The following BANP variants were observed in gnomAD, a reference collection of about 807,000 sequenced individuals.
BANP encodes the protein protein BANP.
BANP carries 11 observed loss-of-function variants against 68.1 expected under a neutral mutation model. The observed-to-expected ratio is 0.16, with a 90% confidence interval of 0.10 to 0.27. The LOEUF (loss-of-function observed/expected upper bound fraction) is 0.27. Ranked by LOEUF, BANP falls within the 10% of genes least tolerant of loss-of-function variation. BANP has a pLI of 1.00. For synonymous variants in BANP, 329 were observed against 303.2 expected, an observed-to-expected ratio of 1.09 and a Z score of -0.88; for missense variants, 504 against 722.7, an observed-to-expected ratio of 0.70 and a Z score of 3.47.
At chr16:88,055,666 T>C (rs2152845877) in intron 11 of BANP, among the ~76,000 whole-genome samples, 1 of 152,278 alleles carries the variant, frequency 6.6e-6, no homozygotes, top group East Asian at 1.9e-4. Flanking sequence ...AGGGTGTCTT[T>C]ATCTATAGCT....
chr16:87,953,639 A>T (rs2057441777), intron 1 of BANP, among the ~76,000 whole-genome samples: 1 of 152,218 alleles, frequency 6.6e-6, no homozygotes, highest in African/African-American at 2.4e-5. Flanking sequence ...CTTCACGGAC[A>T]AATTGAGTGT....
chr16:87,959,195 T>C (rs1428980028), intron 1 of BANP, among the ~76,000 whole-genome samples: 1 of 152,366 alleles, frequency 6.6e-6, no homozygotes, highest in East Asian at 1.9e-4. Flanking sequence ...GCCGCTCGAC[T>C]CTGCTGTTGG....
chr16:88,022,850 C>G (rs752875687), intron 7 of BANP, among the ~76,000 whole-genome samples: 25 of 152,200 alleles, frequency 1.6e-4, no homozygotes, highest in Non-Finnish European at 2.9e-4. Flanking sequence ...CTTATGAGGA[C>G]AGTCACTGGA....
chr16:88,035,737 A>T (rs1215171849), intron 10 of BANP, among the ~76,000 whole-genome samples: 7 of 152,150 alleles, frequency 4.6e-5, no homozygotes, highest in Non-Finnish European at 8.8e-5. Context: ...TGTGGCCGAG[A>T]TGGGGTCTGC....
At position 87,980,477 on chromosome 16, in the gene BANP, C is replaced by T. The variant is rs185380019; in HGVS notation, c.71-559C>T. 3.2e-3 allele frequency: 495 copies of T among 153,522 alleles called. 1 individual carries two copies. The highest frequency in any genetic ancestry group is 4.5e-3 in the Non-Finnish European group (307 of 68,942). The allele number at this position is 153,522 out of a possible 1,614,324, so 9.5% of individuals were successfully genotyped here. A position where few individuals can be genotyped will look rare whatever the true frequency, so the allele number is the denominator to read the frequency against. ...GCGGGAAGCCGTGACGATCACCTGA[C>T]GCTTGCTGTGTGATGGGGGCAGCTG... On this transcript the variant is annotated intron_variant, in intron 2 of 13. Transcript: ENST00000682872.
intron 11 of BANP, among the ~76,000 whole-genome samples, chr16:88,060,187 A>G (rs918415990): frequency 4.6e-5 from 7 of 152,388 alleles, no homozygotes; most frequent in African/African-American, 1.7e-4. Flanking sequence ...CACGAGTGGC[A>G]AGGCCGTATG....
chr16:87,949,482 A>G, upstream of BANP: 1 of 152,164 alleles, frequency 6.6e-6, no homozygotes, highest in Non-Finnish European at 1.5e-5. Flanking sequence ...CCTCCATGTG[A>G]GTGGACTCCA....
intron 9 of BANP, among the ~76,000 whole-genome samples, chr16:88,034,270 A>G (rs1330695380): frequency 6.6e-6 from 1 of 152,232 alleles, no homozygotes; most frequent in Non-Finnish European, 1.5e-5. Flanking sequence ...AGTTCCTCTC[A>G]TCTTGTTAGT....
At chr16:87,960,242 G>A (rs547368041) in intron 1 of BANP, among the ~76,000 whole-genome samples, 189 of 152,346 alleles carry the variant, frequency 1.2e-3, no homozygotes, top group Non-Finnish European at 1.5e-3. Context: ...GCAGTCAGGA[G>A]CTTGCTTGTG....
intron 1 of BANP, among the ~76,000 whole-genome samples, chr16:87,972,126 T>C (rs2061241207): frequency 6.6e-6 from 1 of 152,196 alleles, no homozygotes; most frequent in Non-Finnish European, 1.5e-5. Flanking sequence ...ATTATACATA[T>C]GTTGGGTCTT....
intron 6 of BANP, among the ~76,000 whole-genome samples, chr16:88,007,311 T>C: frequency 6.6e-6 from 1 of 152,184 alleles, no homozygotes; most frequent in East Asian, 1.9e-4. Context: ...AGGACGCAGC[T>C]TCCACGGGTT....
At position 88,064,459 on chromosome 16, in the gene BANP, T is replaced by G. The variant is rs2087856962; in HGVS notation, c.1312-808T>G. Among the ~76,000 whole-genome samples, 1 of 152,060 alleles carries G rather than the reference T, an allele frequency of 6.6e-6. No individual in the cohort carries two copies. Among genetic ancestry groups the G allele is most frequent in the South Asian group, 2.1e-4 (1 of 4,814 alleles). On this transcript the variant is annotated intron_variant, in intron 11 of 13. Transcript: ENST00000682872. This position sits in a 1 kb window ranked among gnomAD's most constrained non-coding sequence, Gnocchi z 4.5. Reference sequence around the variant, plus strand: ...ATTCACTTAGGGTCCAAGAAATGAGTGGGCCTTGAATGAGCAAAACAACCC... The same window carrying G: ...ATTCACTTAGGGTCCAAGAAATGAGGGGGCCTTGAATGAGCAAAACAACCC...
chr16:87,973,462 A>G (rs1005927407), intron 1 of BANP, among the ~76,000 whole-genome samples: 1 of 152,240 alleles, frequency 6.6e-6, no homozygotes, highest in African/African-American at 2.4e-5. Flanking sequence ...GTTATCCCCA[A>G]GAAATTCTAG....
At position 88,003,587 on chromosome 16, in the gene BANP, G is replaced by A. The variant is rs1366872594; in HGVS notation, c.363-708G>A. The A allele has an allele frequency of 2.2e-6, 1 of 454,684 alleles. No individual in the cohort carries two copies. The highest frequency in any genetic ancestry group is 2.0e-5 in the African/African-American group (1 of 50,026). 28.2% of individuals were successfully genotyped at this position (454,684 alleles called of 1,614,324 possible). On this transcript the variant is annotated intron_variant, in intron 4 of 13. Coordinates refer to ENST00000682872, the MANE Select transcript of BANP (RefSeq NM_001386991.1). The surrounding 1 kb of genome is among the most constrained non-coding windows in gnomAD (Gnocchi z 6.1). ...GGGTGAGTCTGTACTTTGAGATGAA[G>A]CTGTGTTAGCTGCCGCCTGTCTGAA...
intron 2 of BANP, chr16:87,978,737 G>A (rs1263997325): frequency 2.2e-6 from 1 of 451,774 alleles, no homozygotes; most frequent in African/African-American, 2.0e-5. Context: ...TGTGTGACCA[G>A]TGTGTCACAG....
chr16:88,010,797 G>A (rs1438880710), intron 6 of BANP, among the ~76,000 whole-genome samples: 1 of 151,722 alleles, frequency 6.6e-6, no homozygotes, highest in Non-Finnish European at 1.5e-5. Context: ...CACACACCTC[G>A]CAGTCCATGG....
intron 4 of BANP, among the ~76,000 whole-genome samples, chr16:87,993,664 G>A (rs932651411): frequency 4.6e-5 from 7 of 151,174 alleles, no homozygotes; most frequent in Admixed American, 4.6e-4. Flanking sequence ...GCAGTGGGGC[G>A]ATCTCTTACT....
upstream of BANP, chr16:87,949,317 G>A (rs1252593577): frequency 6.6e-6 from 1 of 152,222 alleles, no homozygotes; most frequent in African/African-American, 2.4e-5. Context: ...ATATTCCGGC[G>A]TGGATGCTAA....
At chr16:87,994,120 G>A (rs897075711) in intron 4 of BANP, among the ~76,000 whole-genome samples, 1 of 152,184 alleles carries the variant, frequency 6.6e-6, no homozygotes, top group Non-Finnish European at 1.5e-5. Context: ...GTGCTGCGGT[G>A]CACTGTGTCC....
Sources: allele counts gnomAD v4.1 joint callset (sites outside exome capture counted in the v4.1 genomes callset), GRCh38; gene constraint gnomAD v4.1.1; non-coding constraint Gnocchi (gnomAD v3.1); transcripts MANE v1.5; gene names NCBI Gene and HGNC (gene_info 2026-07-23, HGNC 2026-07-21).